MACC1: variants seen among roughly 807,000 people sequenced by gnomAD.
MACC1 encodes the protein MET transcriptional regulator MACC1.
In MACC1, 79 loss-of-function variants were observed where a neutral mutation model predicts 70.7. The ratio of observed to expected loss-of-function variants is 1.12; its 90% CI spans 0.93 to 1.35. MACC1 has a LOEUF of 1.35. MACC1 is among the 40% of genes most tolerant of loss of function. The probability of loss-of-function intolerance (pLI) is 0.00; values close to 1 mark genes in which losing one functional copy is unlikely to be tolerated. For missense variants in MACC1, 1,106 were observed against 978.1 expected, an observed-to-expected ratio of 1.13 and a Z score of -1.74; for synonymous variants, 361 against 347.2, an observed-to-expected ratio of 1.04 and a Z score of -0.44.
intron 6 of MACC1, among the ~76,000 whole-genome samples, chr7:20,143,916 A>G (rs1054909369): frequency 1.3e-5 from 2 of 152,174 alleles, no homozygotes; most frequent in African/African-American, 4.8e-5. Context: ...TGGGTAAAAG[A>G]GCATTGGGCT....
chr7:20,195,817 G>A (rs940937776), intron 1 of MACC1, among the ~76,000 whole-genome samples: 2 of 152,202 alleles, frequency 1.3e-5, no homozygotes, highest in Non-Finnish European at 2.9e-5. Flanking sequence ...GAAAAAACTT[G>A]TTGCAGCTAG....
intron 1 of MACC1, among the ~76,000 whole-genome samples, chr7:20,192,313 G>C (rs1239648374): frequency 6.6e-6 from 1 of 152,110 alleles, no homozygotes; most frequent in Non-Finnish European, 1.5e-5. Context: ...CTAATTCTTT[G>C]CTATTCTCAT....
intron 6 of MACC1, among the ~76,000 whole-genome samples, chr7:20,146,723 A>G (rs3779503): frequency 0.014 from 2,104 of 152,312 alleles, 44 homozygotes; most frequent in Admixed American, 0.04. Flanking sequence ...CAGAAACTCT[A>G]CACTTGTGTT....
At chr7:20,216,398 T>A (rs1300046370) in intron 1 of MACC1, among the ~76,000 whole-genome samples, 1 of 152,098 alleles carries the variant, frequency 6.6e-6, no homozygotes, top group Non-Finnish European at 1.5e-5. Flanking sequence ...GTGTTTACAC[T>A]TACAAATTTT....
intron 1 of MACC1, among the ~76,000 whole-genome samples, chr7:20,181,781 T>C (rs1320988557): frequency 6.6e-6 from 1 of 151,850 alleles, no homozygotes; most frequent in East Asian, 1.9e-4. Context: ...TCATAACCAG[T>C]GCAATGAAAC....
intron 6 of MACC1, among the ~76,000 whole-genome samples, chr7:20,147,885 A>G (rs1781917098): frequency 6.6e-6 from 1 of 152,202 alleles, no homozygotes; most frequent in South Asian, 2.1e-4. Context: ...ACCAATTCCT[A>G]GTTGGGAGGA....
intron 1 of MACC1, among the ~76,000 whole-genome samples, chr7:20,180,571 C>T (rs890278859): frequency 3.3e-5 from 5 of 150,672 alleles, no homozygotes; most frequent in East Asian, 2.0e-4. Flanking sequence ...TGTGCCTGGG[C>T]GCAGTGGCCA....
intron 1 of MACC1, among the ~76,000 whole-genome samples, chr7:20,196,000 G>C (rs1312711106): frequency 6.6e-6 from 1 of 151,906 alleles, no homozygotes; most frequent in African/African-American, 2.4e-5. Flanking sequence ...ACTGCAAAGG[G>C]ATGGGGTGTA....
chr7:20,208,835 T>A (rs1201862989), intron 1 of MACC1, among the ~76,000 whole-genome samples: 2 of 152,214 alleles, frequency 1.3e-5, no homozygotes, highest in Non-Finnish European at 2.9e-5. Context: ...AACGGTTTCG[T>A]GGGCAGGGCC....
rs12668215 is a variant in MACC1 at position 20,180,970 on chromosome 7, A to G, written c.-217-10192T>C. On this transcript the variant is annotated intron_variant, in intron 1 of 6. Coordinates refer to ENST00000400331, the MANE Select transcript of MACC1 (RefSeq NM_182762.4). Reference sequence around the variant, plus strand: ...AACTAAAACAAAATCACAGAAGAATATAACTACAGATTCTAAGAACAATAA... The same window carrying G: ...AACTAAAACAAAATCACAGAAGAATGTAACTACAGATTCTAAGAACAATAA... Among the ~76,000 whole-genome samples the G allele has an allele frequency of 7.4e-3, 1,130 of 152,308 alleles. 27 individuals are homozygous for G. The highest frequency in any genetic ancestry group is 0.038 in the Admixed American group (583 of 15,296).
rs1026235281 is a variant in MACC1, at chr7:20,172,421, T to A, written c.-217-1643A>T. On this transcript the variant is annotated intron_variant, in intron 1 of 6. Coordinates refer to ENST00000400331, the MANE Select transcript of MACC1 (RefSeq NM_182762.4). ...AATGTAAATCTCTTTTCTATCTGTA[T>A]GGATTTTTAAAGTATTTTAAACCAT... 7.0e-4 allele frequency among the ~76,000 whole-genome samples: 106 copies of A among 152,338 alleles called. 1 individual carries two copies. The highest frequency in any genetic ancestry group is 2.5e-3 in the African/African-American group (104 of 41,584).
chr7:20,204,312 G>A (rs982815685), intron 1 of MACC1, among the ~76,000 whole-genome samples: 8 of 151,858 alleles, frequency 5.3e-5, no homozygotes, highest in South Asian at 4.2e-4. Context: ...CCACCACCAC[G>A]CCCGGCTAAT....
At chr7:20,168,714 C>A (rs1180817821) in intron 2 of MACC1, among the ~76,000 whole-genome samples, 1 of 152,150 alleles carries the variant, frequency 6.6e-6, no homozygotes, top group Admixed American at 6.5e-5. Flanking sequence ...ATCTGCCTCC[C>A]TATTCTAAGA....
Position 20,140,858 on chromosome 7 carries a change from C to T in MACC1, c.*88G>A. ...ACACACAGACACACACACACAGACACACAGAGACACACACAGACACACACA... is the reference window on the plus strand; with the variant it reads ...ACACACAGACACACACACACAGACATACAGAGACACACACAGACACACACA... On this transcript the variant is annotated 3_prime_UTR_variant, in exon 7 of 7. Transcript: ENST00000400331. 1.1e-6 allele frequency: 1 copy of T among 930,406 alleles called. No individual in the cohort carries two copies. Among genetic ancestry groups the T allele is most frequent in the Non-Finnish European group, 1.6e-6 (1 of 615,066 alleles). 57.6% of individuals were successfully genotyped at this position (930,406 alleles called of 1,614,324 possible).
intron 1 of MACC1, among the ~76,000 whole-genome samples, chr7:20,189,758 C>A (rs1282403646): frequency 6.6e-6 from 1 of 151,770 alleles, no homozygotes; most frequent in Non-Finnish European, 1.5e-5. Flanking sequence ...TAAACACACA[C>A]ACACACACAC....
rs760532057 is a variant in MACC1 at position 20,160,260 on chromosome 7, A to G, written c.116-15T>C. On this transcript the variant is annotated splice_polypyrimidine_tract_variant and intron_variant, in intron 4 of 6. Transcript: ENST00000400331. ...GTCCTGGCATTCTTGTTATTTAAGG[A>G]AAGACAAAGCAAAACAAAGATAAGG... The G allele has an allele frequency of 3.9e-6, 6 of 1,527,996 alleles. No homozygotes were observed. The highest frequency in any genetic ancestry group is 5.2e-6 in the Non-Finnish European group (6 of 1,145,414). The allele number at this position is 1,527,996 out of a possible 1,614,324, so 94.7% of individuals were successfully genotyped here.
At chr7:20,210,290 T>C (rs1341139140) in intron 1 of MACC1, among the ~76,000 whole-genome samples, 2 of 152,180 alleles carry the variant, frequency 1.3e-5, no homozygotes, top group East Asian at 3.9e-4. Flanking sequence ...AAAAGCATCT[T>C]AGAATATCTT....
chr7:20,215,977 A>G (rs995759271), intron 1 of MACC1, among the ~76,000 whole-genome samples: 2 of 152,216 alleles, frequency 1.3e-5, no homozygotes, highest in Admixed American at 1.3e-4. Context: ...AATTGTAACT[A>G]ATAATTATGA....
chr7:20,167,674 G>A (rs1453095429), intron 2 of MACC1, among the ~76,000 whole-genome samples: 1 of 151,406 alleles, frequency 6.6e-6, no homozygotes, highest in Admixed American at 6.6e-5. Context: ...CTCTTCCAGA[G>A]GAAGCGAAAT....
Sources: gnomAD v4.1 joint callset for allele counts (sites outside exome capture counted in the v4.1 genomes callset) on GRCh38, gnomAD v4.1.1 for gene constraint, MANE v1.5 for transcripts, NCBI Gene and HGNC (gene_info 2026-07-23, HGNC 2026-07-21) for gene names.